YOD1: variants seen among roughly 807,000 people sequenced by gnomAD.
The protein encoded by YOD1 is YOD1 deubiquitinase.
Under a neutral mutation model 23.7 loss-of-function variants are expected in YOD1, and 17 were observed. The ratio of observed to expected loss-of-function variants is 0.72; its 90% CI spans 0.49 to 1.07. The LOEUF (loss-of-function observed/expected upper bound fraction) is 1.07, where lower values mean the gene tolerates loss of function less well. YOD1 is among the 50% of genes least tolerant of loss of function. The probability of loss-of-function intolerance (pLI) is 0.00; values close to 1 mark genes in which losing one functional copy is unlikely to be tolerated. For synonymous variants in YOD1, 191 were observed against 169.6 expected (o/e 1.13, Z -0.98); for missense variants, 413 against 447.2 (o/e 0.92, Z 0.69).
chr1:207,050,921 C>T lies in YOD1; in HGVS notation c.110G>A (p.Trp37Ter). 1 of 1,594,052 alleles carries T rather than the reference C, an allele frequency of 6.3e-7. No homozygotes were observed. Among genetic ancestry groups the T allele is most frequent in the Middle Eastern group, 1.7e-4 (1 of 5,916 alleles). ...CGTGTCGGTCCGGCTGCCCACAGGC[C>T]AGGCACCCGCGGGGCCAGCTTTGGT... ...AGTKAGPAGA[W>*]PVGSRTDTMW... Residue 37 changes from tryptophan (W) to a stop codon, truncating the protein, a stop_gained, in exon 1 of 2, where the codon TGG becomes TAG. Transcript: ENST00000315927. LOFTEE classifies it high-confidence loss of function.
upstream of YOD1, among the ~76,000 whole-genome samples, chr1:207,051,611 C>G (rs1295433404): frequency 6.6e-6 from 1 of 152,182 alleles, no homozygotes; most frequent in Non-Finnish European, 1.5e-5. Context: ...CTGCCTCATT[C>G]AGGTGGTGGC....
intron 1 of YOD1, 28 bp downstream of exon 1, chr1:207,050,660 T>C (rs1376924840): frequency 1.2e-6 from 2 of 1,609,914 alleles, no homozygotes; most frequent in African/African-American, 1.3e-5. Flanking sequence ...TCCCGGGACT[T>C]TCCCTGGCCC....
chr1:207,050,640 C>T, intron 1 of YOD1, 48 bp downstream of exon 1: 1 of 1,603,962 alleles, frequency 6.2e-7, no homozygotes, highest in Non-Finnish European at 8.5e-7. Context: ...TCTCACGCCC[C>T]TCTCCATCCT....
chr1:207,050,985 G>A lies in YOD1; in HGVS notation c.46C>T (p.Pro16Ser), dbSNP rs1682734073. Reference protein sequence around the residue: ...KGRHFGVHPAPGFPGGVSQQA... With the variant: ...KGRHFGVHPASGFPGGVSQQA... ...TGGGAGACGCCGCCGGGGAAACCAG[G>A]CGCCGGGTGGACTCCAAAATGGCGA... The change falls in exon 1 of 2, where the codon CCT becomes TCT. Residue 16 changes from proline (P) to serine (S), a missense_variant. Physicochemically the swap from Pro to Ser is moderately conservative, Grantham distance 74. Coordinates refer to ENST00000315927, the MANE Select transcript of YOD1 (RefSeq NM_018566.4). The A allele has an allele frequency of 2.0e-6, 3 of 1,533,278 alleles. No homozygotes were observed. Among genetic ancestry groups the A allele is most frequent in the African/African-American group, 2.8e-5 (2 of 72,436 alleles). The allele number at this position is 1,533,278 out of a possible 1,614,324, so 95.0% of individuals were successfully genotyped here. A position where few individuals can be genotyped will look rare whatever the true frequency, so the allele number is the denominator to read the frequency against.
chr1:207,049,084 G>A lies in YOD1; in HGVS notation c.983C>T (p.Thr328Ile), dbSNP rs1682667149. 1.2e-6 allele frequency: 2 copies of A among 1,613,920 alleles called. No homozygotes were observed. Among genetic ancestry groups the A allele is most frequent in the South Asian group, 1.1e-5 (1 of 91,084 alleles). Residue 328 changes from threonine (T) to isoleucine (I), a missense_variant, in exon 2 of 2, where the codon ACT becomes ATT. Physicochemically the swap from Thr to Ile is moderately conservative, Grantham distance 89 (BLOSUM62 -1). Transcript: ENST00000315927. ...ATGTTCCCTTGCTTCTGCTTGTCCA[G>A]TTAATCCTTTCTGACATACCATGCA... ...LRCMVCQKGL[T>I]GQAEAREHAK...
chr1:207,047,945 A>T lies in YOD1; in HGVS notation c.*1075T>A, dbSNP rs1044658455. On this transcript the variant is annotated 3_prime_UTR_variant, in exon 2 of 2. Coordinates refer to ENST00000315927, the MANE Select transcript of YOD1 (RefSeq NM_018566.4). ...AGTGGAGGGATAAGGCTAGCACAAA[A>T]GCAAACACTCTTTAGGTGTGCAAAA... 6.6e-6 allele frequency: 1 copy of T among 152,218 alleles called. No individual in the cohort carries two copies. Among genetic ancestry groups the T allele is most frequent in the Non-Finnish European group, 1.5e-5 (1 of 68,026 alleles). The allele number at this position is 152,218 out of a possible 1,614,324, so 9.4% of individuals were successfully genotyped here. A position where few individuals can be genotyped will look rare whatever the true frequency, so the allele number is the denominator to read the frequency against.
chr1:207,049,490 C>T lies in YOD1; in HGVS notation c.577G>A (p.Asp193Asn), dbSNP rs766301432. ...RRLIAQIVASDPDFYSEAILG... is the reference protein window; with the variant it reads ...RRLIAQIVASNPDFYSEAILG... ...ATTGCCTCACTATAGAAGTCTGGAT[C>T]GCTTGCTACAATTTGTGCTATGAGG... The change falls in exon 2 of 2, where the codon GAT becomes AAT. Residue 193 changes from aspartate to asparagine, a missense_variant. Coordinates refer to ENST00000315927, the MANE Select transcript of YOD1 (RefSeq NM_018566.4). 5.0e-6 allele frequency: 8 copies of T among 1,614,158 alleles called. No homozygotes were observed. In the South Asian group the frequency reaches 5.5e-5, roughly 11 times the overall value.
rs184092237 is a variant in YOD1, at chr1:207,045,655, T to C, written c.*3365A>G. On this transcript the variant is annotated 3_prime_UTR_variant, in exon 2 of 2. Coordinates refer to ENST00000315927, the MANE Select transcript of YOD1 (RefSeq NM_018566.4). Reference sequence around the variant, plus strand: ...TGCATACTTCCCATTCCATTTTTTTTCCCAAAAAGATGTAAGAAAACTATG... The same window carrying C: ...TGCATACTTCCCATTCCATTTTTTTCCCCAAAAAGATGTAAGAAAACTATG... 64 of 152,140 alleles carry C rather than the reference T, an allele frequency of 4.2e-4. No homozygotes were observed. Among genetic ancestry groups the C allele is most frequent in the African/African-American group, 1.5e-3 (61 of 41,492 alleles). 9.4% of individuals were successfully genotyped at this position (152,140 alleles called of 1,614,324 possible).
At position 207,047,098 on chromosome 1, in the gene YOD1, C is replaced by T. The variant is rs570789120; in HGVS notation, c.*1922G>A. ...AGTAAAAAAGATACAAAACCAAAAC[C>T]ATCCAGATCAGATGAGAGTCAGGTG... On this transcript the variant is annotated 3_prime_UTR_variant, in exon 2 of 2. Coordinates refer to ENST00000315927, the MANE Select transcript of YOD1 (RefSeq NM_018566.4). 3 of 152,540 alleles carry T rather than the reference C, an allele frequency of 2.0e-5. No homozygotes were observed. The highest frequency in any genetic ancestry group is 2.0e-4 in the Admixed American group (3 of 15,284). The allele number at this position is 152,540 out of a possible 1,614,324, so 9.4% of individuals were successfully genotyped here. A position where few individuals can be genotyped will look rare whatever the true frequency, so the allele number is the denominator to read the frequency against.
At chr1:207,051,661 C>T (rs1682754868), upstream of YOD1, among the ~76,000 whole-genome samples, 1 of 152,206 alleles carries the variant, frequency 6.6e-6, no homozygotes, top group South Asian at 2.1e-4. Flanking sequence ...CATCAGATTC[C>T]AGTTCAGTTC....
At position 207,046,095 on chromosome 1, in the gene YOD1, C is replaced by T. The variant is rs1383424316; in HGVS notation, c.*2925G>A. On this transcript the variant is annotated 3_prime_UTR_variant, in exon 2 of 2. Coordinates refer to ENST00000315927, the MANE Select transcript of YOD1 (RefSeq NM_018566.4). ...TGAATCTTCATAGTACTACACCTGA[C>T]CTTTAATCCAAAGAAAAGTAAGAGA... 2 of 151,952 alleles carry T rather than the reference C, an allele frequency of 1.3e-5. No homozygotes were observed. 9.4% of individuals were successfully genotyped at this position (151,952 alleles called of 1,614,324 possible).
upstream of YOD1, among the ~76,000 whole-genome samples, chr1:207,051,242 A>T (rs568149523): frequency 4.6e-5 from 7 of 152,286 alleles, no homozygotes; most frequent in South Asian, 1.2e-3. Flanking sequence ...ATATATGCTC[A>T]AGAAAAGAGG....
Position 207,047,581 on chromosome 1 carries a change from T to C in YOD1, c.*1439A>G, listed in dbSNP as rs1682629447. 2 of 152,738 alleles carry C rather than the reference T, an allele frequency of 1.3e-5. No individual in the cohort carries two copies. The highest frequency in any genetic ancestry group is 6.5e-5 in the Admixed American group (1 of 15,302). The allele number at this position is 152,738 out of a possible 1,614,324, so 9.5% of individuals were successfully genotyped here. ...AGCCTCTTCACATTATGTGAGATAA[T>C]ACATAACAAATTATAATTTAGCATC... On this transcript the variant is annotated 3_prime_UTR_variant, in exon 2 of 2. Coordinates refer to ENST00000315927, the MANE Select transcript of YOD1 (RefSeq NM_018566.4).
rs1237540613 is a variant in YOD1 at position 207,045,126 on chromosome 1, A to G, written c.*3894T>C. 1 of 152,484 alleles carries G rather than the reference A, an allele frequency of 6.6e-6. No individual in the cohort carries two copies. Among genetic ancestry groups the G allele is most frequent in the Non-Finnish European group, 1.5e-5 (1 of 67,928 alleles). 9.4% of individuals were successfully genotyped at this position (152,484 alleles called of 1,614,324 possible). On this transcript the variant is annotated 3_prime_UTR_variant, in exon 2 of 2. Coordinates refer to ENST00000315927, the MANE Select transcript of YOD1 (RefSeq NM_018566.4). ...GGACTTAAAATGATGCCACTTGTATATGACACGTTTAAGGCCTCTGACTCA... is the reference window on the plus strand; with the variant it reads ...GGACTTAAAATGATGCCACTTGTATGTGACACGTTTAAGGCCTCTGACTCA...
Position 207,050,754 on chromosome 1 carries a change from A to G in YOD1, c.277T>C (p.Tyr93His), listed in dbSNP as rs1455126372. Residue 93 changes from tyrosine to histidine, a missense_variant, in exon 1 of 2, where the codon TAC (tyrosine) becomes CAC (histidine). Tyr to His is a moderately conservative substitution (Grantham distance 83). Transcript: ENST00000315927. ...APGGQRILVG[Y>H]PPECLDLSNG... The stretch of plus-strand genomic sequence containing the variant: ...CTGAGATCCAGGCACTCGGGAGGGT[A>G]TCCGACGAGGATTCGCTGACCGCCG... 6.2e-7 allele frequency: 1 copy of G among 1,613,388 alleles called. No individual in the cohort carries two copies. The highest frequency in any genetic ancestry group is 8.5e-7 in the Non-Finnish European group (1 of 1,180,032).
At chr1:207,050,267 A>C (rs545256029) in intron 1 of YOD1, among the ~76,000 whole-genome samples, 1 of 152,216 alleles carries the variant, frequency 6.6e-6, no homozygotes, top group Non-Finnish European at 1.5e-5. Flanking sequence ...TGTCAAACGA[A>C]GTATCTACGA....
Position 207,045,086 on chromosome 1 carries a change from C to A in YOD1, c.*3934G>T, listed in dbSNP as rs1398236980. 1 of 152,428 alleles carries A rather than the reference C, an allele frequency of 6.6e-6. No individual in the cohort carries two copies. The highest frequency in any genetic ancestry group is 2.4e-5 in the African/African-American group (1 of 41,434). The allele number at this position is 152,428 out of a possible 1,614,324, so 9.4% of individuals were successfully genotyped here. A position where few individuals can be genotyped will look rare whatever the true frequency, so the allele number is the denominator to read the frequency against. On this transcript the variant is annotated 3_prime_UTR_variant, in exon 2 of 2. Coordinates refer to ENST00000315927, the MANE Select transcript of YOD1 (RefSeq NM_018566.4). ...AGTTTATAAACTAGCTTATTCAAAT[C>A]AAGTGTTTCACTTTGGACTTAAAAT...
At chr1:207,050,591 G>A (rs1255417869) in intron 1 of YOD1, 97 bp downstream of exon 1, 7 of 1,533,350 alleles carry the variant, frequency 4.6e-6, no homozygotes, top group Non-Finnish European at 6.2e-6. Flanking sequence ...CCCCCCCGCC[G>A]ACTCACAGCC....
rs957393103 is a variant in YOD1, at chr1:207,045,491, G to A, written c.*3529C>T. ...AATTAGATCCCTAGAGGGCCAACAT[G>A]TAAACTTTTATTCCATATATATTTT... On this transcript the variant is annotated 3_prime_UTR_variant, in exon 2 of 2. Coordinates refer to ENST00000315927, the MANE Select transcript of YOD1 (RefSeq NM_018566.4). 2.0e-5 allele frequency: 3 copies of A among 152,040 alleles called. No individual in the cohort carries two copies. The highest frequency in any genetic ancestry group is 2.4e-5 in the African/African-American group (1 of 41,280). The allele number at this position is 152,040 out of a possible 1,614,324, so 9.4% of individuals were successfully genotyped here.
Sources: gnomAD v4.1 joint callset for allele counts (sites outside exome capture counted in the v4.1 genomes callset) on GRCh38, gnomAD v4.1.1 for gene constraint, MANE v1.5 for transcripts, NCBI Gene and HGNC (gene_info 2026-07-23, HGNC 2026-07-21) for gene names.